Variants in ACOX3 observed in about 807,000 individuals in gnomAD.
ACOX3 encodes peroxisomal acyl-coenzyme A oxidase 3.
A neutral mutation model predicts 81.5 loss-of-function variants in ACOX3; 73 were observed. That is an observed-to-expected ratio of 0.90 (90% CI 0.74 to 1.09). The LOEUF (loss-of-function observed/expected upper bound fraction) is 1.09. ACOX3 is among the 50% of genes least tolerant of loss of function. The pLI is 0.00. For synonymous variants in ACOX3, 387 were observed against 375.1 expected, an observed-to-expected ratio of 1.03 and a Z score of -0.37; for missense variants, 947 against 928.0, an observed-to-expected ratio of 1.02 and a Z score of -0.27.
chr4:8,373,549 C>A lies in ACOX3; in HGVS notation c.1896+12G>T. 6.2e-7 allele frequency: 1 copy of A among 1,613,524 alleles called. No homozygotes were observed. The highest frequency in any genetic ancestry group is 8.5e-7 in the Non-Finnish European group (1 of 1,179,892). ...CATGGATGTAGAGAACGCGACAGCA[C>A]CCACGGCTCACCTGGGAACACAAAG... On this transcript the variant is annotated intron_variant, in intron 16 of 17. Transcript: ENST00000356406.
intron 16 of ACOX3, among the ~76,000 whole-genome samples, chr4:8,371,225 G>A (rs1220850370): frequency 6.6e-6 from 1 of 152,150 alleles, no homozygotes; most frequent in African/African-American, 2.4e-5. Context: ...TCTAGGGCTT[G>A]TTTCTTCCCA....
At position 8,381,646 on chromosome 4, in the gene ACOX3, G is replaced by A. The variant is rs768158127; in HGVS notation, c.1538-39C>T. 1 of 1,485,242 alleles carries A rather than the reference G, an allele frequency of 6.7e-7. No individual in the cohort carries two copies. Among genetic ancestry groups the A allele is most frequent in the South Asian group, 1.1e-5 (1 of 88,002 alleles). 92.0% of individuals were successfully genotyped at this position (1,485,242 alleles called of 1,614,324 possible). On this transcript the variant is annotated intron_variant, in intron 13 of 17. Transcript: ENST00000356406. This position sits in a 1 kb window ranked among gnomAD's most constrained non-coding sequence, Gnocchi z 4.3. Reference sequence around the variant, plus strand: ...AACAGAAGGAGAAAAAGTAACAATAGAGAACACAGCATTTGTCACAACTCA... The same window carrying A: ...AACAGAAGGAGAAAAAGTAACAATAAAGAACACAGCATTTGTCACAACTCA...
At chr4:8,429,061 C>G (rs1002975707) in intron 1 of ACOX3, among the ~76,000 whole-genome samples, 14 of 152,206 alleles carry the variant, frequency 9.2e-5, no homozygotes, top group African/African-American at 3.1e-4. Context: ...CACTTCCTCA[C>G]TCGTGCACTC....
rs538899358 is a variant in ACOX3, at chr4:8,398,940, G to C, written c.873+616C>G. Among the ~76,000 whole-genome samples, 6 of 152,276 alleles carry C rather than the reference G, an allele frequency of 3.9e-5. No individual in the cohort carries two copies. The South Asian group carries it at 1.2e-3, about 32-fold the overall frequency. On this transcript the variant is annotated intron_variant, in intron 8 of 17. Transcript: ENST00000356406. ...CCGTTTGTGAGCAGCTCCTGGTCTC[G>C]TGTTGCTGTTCCCACTCTGCGCACC...
intron 6 of ACOX3, among the ~76,000 whole-genome samples, chr4:8,409,911 G>A (rs1001855857): frequency 3.3e-5 from 5 of 151,932 alleles, no homozygotes; most frequent in Non-Finnish European, 7.4e-5. Flanking sequence ...AATACACTGT[G>A]GGCGGAGCTG....
rs1349131662 is a variant in ACOX3, at chr4:8,399,973, G to A, written c.777-321C>T. 5.9e-5 allele frequency among the ~76,000 whole-genome samples: 9 copies of A among 152,202 alleles called. No homozygotes were observed. The highest frequency in any genetic ancestry group is 1.3e-4 in the Non-Finnish European group (9 of 68,040). On this transcript the variant is annotated intron_variant, in intron 7 of 17. Transcript: ENST00000356406. This position sits in a 1 kb window ranked among gnomAD's most constrained non-coding sequence, Gnocchi z 4.9. Reference sequence around the variant, plus strand: ...ATGTAGGTTAAAAAATAGGCTGGGTGTGGTGGCTTACGCCTGTAATCCCAG... The same window carrying A: ...ATGTAGGTTAAAAAATAGGCTGGGTATGGTGGCTTACGCCTGTAATCCCAG...
At chr4:8,412,819 C>T (rs572132584) in intron 5 of ACOX3, among the ~76,000 whole-genome samples, 13 of 152,096 alleles carry the variant, frequency 8.5e-5, no homozygotes, top group South Asian at 6.2e-4. Flanking sequence ...CGCTGCCCTG[C>T]GCCCCTCCAC....
chr4:8,368,126 G>A lies in ACOX3; in HGVS notation c.1984-1046C>T, dbSNP rs948989893. On this transcript the variant is annotated intron_variant, in intron 17 of 17. Coordinates refer to ENST00000356406, the MANE Select transcript of ACOX3 (RefSeq NM_003501.3). This position sits in a 1 kb window ranked among gnomAD's most constrained non-coding sequence, Gnocchi z 5.9. ...CTCACACCCCAGGCCGCTACAGGCC[G>A]CACAGGTGGCACGTGGCCACCAGCA... Among the ~76,000 whole-genome samples the A allele has an allele frequency of 3.9e-5, 6 of 152,194 alleles. No individual in the cohort carries two copies. The highest frequency in any genetic ancestry group is 1.3e-4 in the Admixed American group (2 of 15,276).
rs373134395 is a variant in ACOX3, at chr4:8,403,929, G to A, written c.776+2026C>T. ...CACCGCCATATGCCCGGGTGGAGAT[G>A]CCTGTCGGGCCTTACGTGCACACAT... On this transcript the variant is annotated intron_variant, in intron 7 of 17. Transcript: ENST00000356406. Among the ~76,000 whole-genome samples, 16 of 152,332 alleles carry A rather than the reference G, an allele frequency of 1.1e-4. No homozygotes were observed. The East Asian group carries it at 2.9e-3, about 28-fold the overall frequency.
Position 8,400,512 on chromosome 4 carries a change from T to C in ACOX3, c.777-860A>G, listed in dbSNP as rs977175038. On this transcript the variant is annotated intron_variant, in intron 7 of 17. Coordinates refer to ENST00000356406, the MANE Select transcript of ACOX3 (RefSeq NM_003501.3). This position sits in a 1 kb window ranked among gnomAD's most constrained non-coding sequence, Gnocchi z 4.4. ...TGCTCCCTCGGCAAGGAAATTCACT[T>C]CTTTTGAACAGCTGAGCATAGGATT... Among the ~76,000 whole-genome samples, 1 of 152,202 alleles carries C rather than the reference T, an allele frequency of 6.6e-6. No individual in the cohort carries two copies. Among genetic ancestry groups the C allele is most frequent in the African/African-American group, 2.4e-5 (1 of 41,452 alleles).
intron 10 of ACOX3, among the ~76,000 whole-genome samples, chr4:8,392,807 G>T (rs1560180925): frequency 6.6e-6 from 1 of 152,140 alleles, no homozygotes; most frequent in Non-Finnish European, 1.5e-5. Context: ...CACCATGGAA[G>T]GTTGCAATTG....
At chr4:8,425,101 A>G (rs1723329902) in intron 1 of ACOX3, among the ~76,000 whole-genome samples, 2 of 152,238 alleles carry the variant, frequency 1.3e-5, no homozygotes, top group Admixed American at 6.5e-5. Context: ...GGGAACACCT[A>G]TCAAATCTCA....
rs992608074 is a variant in ACOX3, at chr4:8,368,431, T to C, written c.1984-1351A>G. On this transcript the variant is annotated intron_variant, in intron 17 of 17. Transcript: ENST00000356406. This position sits in a 1 kb window ranked among gnomAD's most constrained non-coding sequence, Gnocchi z 5.9. ...ATCTCCAGGGCCTGGGGAGGTGGTC[T>C]ATTGTGTATCCAGCTTACGCTGACC... Among the ~76,000 whole-genome samples the C allele has an allele frequency of 1.3e-5, 2 of 152,240 alleles. No individual in the cohort carries two copies. Among genetic ancestry groups the C allele is most frequent in the African/African-American group, 4.8e-5 (2 of 41,458 alleles).
intron 1 of ACOX3, among the ~76,000 whole-genome samples, chr4:8,417,416 C>T (rs1257157192): frequency 1.3e-5 from 2 of 152,196 alleles, no homozygotes; most frequent in Admixed American, 6.5e-5. Context: ...TGTTGGTGGG[C>T]GGCGGCAGGA....
chr4:8,369,461 C>T (rs1050789270), intron 17 of ACOX3, among the ~76,000 whole-genome samples: 9 of 152,202 alleles, frequency 5.9e-5, no homozygotes, highest in African/African-American at 9.6e-5. Context: ...CAGCTCTCAG[C>T]GGCAGTCATC....
At position 8,399,313 on chromosome 4, in the gene ACOX3, T is replaced by A. The variant is rs1345619076; in HGVS notation, c.873+243A>T. 6.6e-6 allele frequency among the ~76,000 whole-genome samples: 1 copy of A among 152,228 alleles called. No homozygotes were observed. The highest frequency in any genetic ancestry group is 1.5e-5 in the Non-Finnish European group (1 of 68,032). On this transcript the variant is annotated intron_variant, in intron 8 of 17. Transcript: ENST00000356406. This position sits in a 1 kb window ranked among gnomAD's most constrained non-coding sequence, Gnocchi z 4.9. ...GCAGTCCTCTAATCGCAGCCCCCGA[T>A]GGGGAGTGGGCATTGTAAGGCCCGG...
At position 8,405,840 on chromosome 4, in the gene ACOX3, G is replaced by C; in HGVS notation, c.776+115C>G. ...CTAGGCGTAGGTCCCCACCGCATTT[G>C]AGTCTAAGAGGGCAGGGCATGGCAT... is the stretch of plus-strand genomic sequence containing the variant. On this transcript the variant is annotated intron_variant, in intron 7 of 17. Coordinates refer to ENST00000356406, the MANE Select transcript of ACOX3 (RefSeq NM_003501.3). This position sits in a 1 kb window ranked among gnomAD's most constrained non-coding sequence, Gnocchi z 7.1. 9.4e-7 allele frequency: 1 copy of C among 1,066,878 alleles called. No homozygotes were observed. Among genetic ancestry groups the C allele is most frequent in the South Asian group, 1.3e-5 (1 of 76,592 alleles). 66.1% of individuals were successfully genotyped at this position (1,066,878 alleles called of 1,614,324 possible).
intron 8 of ACOX3, among the ~76,000 whole-genome samples, chr4:8,398,438 C>G (rs553783009): frequency 6.6e-6 from 1 of 152,160 alleles, no homozygotes; most frequent in Non-Finnish European, 1.5e-5. Context: ...CTTCCCCTCT[C>G]ATTTAGAGAC....
chr4:8,393,814 G>A (rs1313751831), intron 10 of ACOX3, among the ~76,000 whole-genome samples: 1 of 152,118 alleles, frequency 6.6e-6, no homozygotes, highest in Non-Finnish European at 1.5e-5. Flanking sequence ...AACAATGCAA[G>A]TGTCAGCTGG....
Sources: allele counts gnomAD v4.1 joint callset (sites outside exome capture counted in the v4.1 genomes callset), GRCh38; gene constraint gnomAD v4.1.1; non-coding constraint Gnocchi (gnomAD v3.1); transcripts MANE v1.5; gene names NCBI Gene and HGNC (gene_info 2026-07-23, HGNC 2026-07-21).